The following MBIP variants were observed in gnomAD, a reference collection of about 807,000 sequenced individuals.
MBIP encodes the protein MAP3K12 binding inhibitory protein 1, also known as MAP3K12-binding inhibitory protein 1.
A neutral mutation model predicts 45.7 loss-of-function variants in MBIP; 32 were observed. The observed-to-expected ratio is 0.70, with a 90% confidence interval of 0.53 to 0.94. The LOEUF is 0.94. Among genes scored for constraint, MBIP ranks in the 40% least tolerant of loss-of-function variants. The pLI, the probability that MBIP is intolerant of heterozygous loss-of-function variation, is 0.00. For synonymous variants in MBIP, 145 were observed against 141.0 expected (o/e 1.03, Z -0.20); for missense variants, 381 against 405.5 (o/e 0.94, Z 0.52).
chr14:36,306,204 A>G (rs1879866810), intron 7 of MBIP, among the ~76,000 whole-genome samples: 1 of 152,124 alleles, frequency 6.6e-6, no homozygotes, highest in Non-Finnish European at 1.5e-5. Context: ...AACAAAACAA[A>G]AAGATTATGA....
At position 36,316,779 on chromosome 14, in the gene MBIP, T is replaced by A. The variant is rs377276615; in HGVS notation, c.163A>T (p.Ile55Phe). Residue 55 changes from isoleucine to phenylalanine, a missense_variant, in exon 2 of 9, where the codon ATC (isoleucine) becomes TTC (phenylalanine). Coordinates refer to ENST00000416007, the MANE Select transcript of MBIP (RefSeq NM_016586.3). ...DLRDDVVKIT[I>F]DWNKLQSLSA... is the part of the protein sequence containing the mutation. ...AGGCTCTGGAGCTTGTTCCAATCGA[T>A]TGTAATTTTCACCACATCATCTCTG... The A allele has an allele frequency of 6.2e-7, 1 of 1,612,432 alleles. No homozygotes were observed. The highest frequency in any genetic ancestry group is 8.5e-7 in the Non-Finnish European group (1 of 1,179,084).
chr14:36,313,772 A>T (rs1348872266), intron 4 of MBIP: 1 of 152,122 alleles, frequency 6.6e-6, no homozygotes, highest in African/African-American at 2.4e-5. Context: ...GCCATGAGAT[A>T]TTAGAGGCAA....
At chr14:36,311,064 C>T (rs574848670) in intron 6 of MBIP, among the ~76,000 whole-genome samples, 2 of 152,192 alleles carry the variant, frequency 1.3e-5, no homozygotes, top group East Asian at 3.9e-4. Flanking sequence ...AGAGATAAGA[C>T]AGAAGTGGGC....
chr14:36,316,765 CTTG>C lies in MBIP; in HGVS notation c.174_176del (p.Asn58del). ...GCTGGAATGCCGAGAGGCTCTGGAG[CTTG>C]TTCCAATCGATTGTAATTTTCACCA... On this transcript the variant is annotated inframe_deletion, in exon 2 of 9. Transcript: ENST00000416007. 6.2e-7 allele frequency: 1 copy of C among 1,612,792 alleles called. No homozygotes were observed. Among genetic ancestry groups the C allele is most frequent in the East Asian group, 2.2e-5 (1 of 44,832 alleles).
chr14:36,311,308 G>C (rs139584739), intron 6 of MBIP, among the ~76,000 whole-genome samples: 1 of 151,722 alleles, frequency 6.6e-6, no homozygotes, highest in Non-Finnish European at 1.5e-5. Flanking sequence ...TTTTTTTAGA[G>C]TTGTCACTTA....
At chr14:36,306,694 A>T (rs1000357909) in intron 7 of MBIP, among the ~76,000 whole-genome samples, 1 of 152,208 alleles carries the variant, frequency 6.6e-6, no homozygotes, top group Non-Finnish European at 1.5e-5. Flanking sequence ...CGTTAATAAG[A>T]ATTATATTAA....
At chr14:36,303,173 TG>T (rs1236547754) in intron 7 of MBIP, among the ~76,000 whole-genome samples, 1 of 152,224 alleles carries the variant, frequency 6.6e-6, no homozygotes, top group Non-Finnish European at 1.5e-5. Context: ...TTTCAGTTTT[TG>T]ATGGGTTTAT....
chr14:36,318,583 CTAAAT>C (rs1439088688), intron 1 of MBIP, among the ~76,000 whole-genome samples: 2 of 151,974 alleles, frequency 1.3e-5, no homozygotes, highest in South Asian at 2.1e-4. Context: ...AAAAACTTTA[CTAAAT>C]TAATACAAAA....
chr14:36,320,571 C>T lies in MBIP; in HGVS notation c.18G>A (p.Glu6=), dbSNP rs763267604. ...TGTCACCGCTGCTCGGGCGATTAAGCTCCGTGGCAGCAGCCATGATATCTT... is the reference window on the plus strand; with the variant it reads ...TGTCACCGCTGCTCGGGCGATTAAGTTCCGTGGCAGCAGCCATGATATCTT... MAAAT[E]LNRPSSGDRN... is the part of the protein sequence containing the mutation. The change falls in exon 1 of 9, where the codon GAG becomes GAA. Residue 6 remains glutamate, a synonymous_variant. Coordinates refer to ENST00000416007, the MANE Select transcript of MBIP (RefSeq NM_016586.3). 1.9e-6 allele frequency: 3 copies of T among 1,610,658 alleles called. No homozygotes were observed. Among genetic ancestry groups the T allele is most frequent in the African/African-American group, 1.3e-5 (1 of 74,872 alleles).
At chr14:36,302,452 A>G (rs1879621230) in intron 7 of MBIP, among the ~76,000 whole-genome samples, 1 of 147,788 alleles carries the variant, frequency 6.8e-6, no homozygotes, top group African/African-American at 2.5e-5. Flanking sequence ...AGACTGCACC[A>G]CTGCACTCCA....
intron 8 of MBIP, among the ~76,000 whole-genome samples, chr14:36,300,493 G>A (rs1399044465): frequency 6.6e-6 from 1 of 152,044 alleles, no homozygotes; most frequent in Non-Finnish European, 1.5e-5. Context: ...AGGGATGGGG[G>A]GAGACTGAAA....
Position 36,308,162 on chromosome 14 carries a change from T to C in MBIP, c.818A>G (p.Gln273Arg). ...TTTATCCTCAAGTTTTTTAATTCTC[T>C]GATAAATGTCTCTTGGCACTGGACC... ...TGGPVPRDIY[Q>R]RIKKLEDKIL... Residue 273 changes from glutamine to arginine, a missense_variant, in exon 7 of 9, where the codon CAG becomes CGG. Transcript: ENST00000416007. The C allele has an allele frequency of 1.2e-6, 2 of 1,602,974 alleles. No homozygotes were observed. Among genetic ancestry groups the C allele is most frequent in the African/African-American group, 1.3e-5 (1 of 74,772 alleles).
Position 36,300,781 on chromosome 14 carries a change from T to C in MBIP, c.927+4A>G. On this transcript the variant is annotated splice_donor_region_variant and intron_variant, in intron 8 of 8. Transcript: ENST00000416007. ...GAAACCAAAATGAAAATGCAGTAAC[T>C]TACTTGAGGTGGTTGAACTTTTCTT... 1 of 1,549,536 alleles carries C rather than the reference T, an allele frequency of 6.5e-7. No homozygotes were observed.
At chr14:36,307,869 A>G (rs1214376925) in intron 7 of MBIP, 2 of 294,586 alleles carry the variant, frequency 6.8e-6, no homozygotes, top group Admixed American at 5.1e-5. Context: ...AATGTGGGTA[A>G]TATATAATAG....
chr14:36,300,477 AAAGG>A (rs1487490808), intron 8 of MBIP, among the ~76,000 whole-genome samples: 1 of 152,180 alleles, frequency 6.6e-6, no homozygotes, highest in East Asian at 1.9e-4. Context: ...AGTGTTCACA[AAAGG>A]AAGGGATGGG....
chr14:36,304,271 C>A (rs17104335), intron 7 of MBIP, among the ~76,000 whole-genome samples: 8,656 of 152,198 alleles, frequency 0.057, 787 homozygotes, highest in African/African-American at 0.2. Context: ...GTTAACACAC[C>A]TTCAAAGTCC....
intron 7 of MBIP, among the ~76,000 whole-genome samples, chr14:36,306,224 C>CT (rs370890646): frequency 1.0e-3 from 148 of 147,738 alleles, no homozygotes; most frequent in African/African-American, 2.1e-3. Context: ...ATGTGGAGGG[C>CT]TTTTTTTTTT....
chr14:36,307,565 A>T (rs1879955787), intron 7 of MBIP, among the ~76,000 whole-genome samples: 1 of 152,206 alleles, frequency 6.6e-6, no homozygotes, highest in Non-Finnish European at 1.5e-5. Context: ...TTCTTGGAAA[A>T]CGGGGTAAGA....
intron 1 of MBIP, among the ~76,000 whole-genome samples, chr14:36,320,103 AAAGAGT>A (rs1297709164): frequency 1.3e-5 from 2 of 152,022 alleles, no homozygotes; most frequent in African/African-American, 4.8e-5. Context: ...CAATTCCCAT[AAAGAGT>A]AAGTTGGAGG....
Sources: gnomAD v4.1 joint callset for allele counts (sites outside exome capture counted in the v4.1 genomes callset) on GRCh38, gnomAD v4.1.1 for gene constraint, MANE v1.5 for transcripts, NCBI Gene and HGNC (gene_info 2026-07-23, HGNC 2026-07-21) for gene names.